The following SCN8A variants were observed in gnomAD, a reference collection of about 807,000 sequenced individuals.
SCN8A encodes the protein sodium channel protein type 8 subunit alpha.
In SCN8A, 30 loss-of-function variants were observed where a neutral mutation model predicts 184.1. That is an observed-to-expected ratio of 0.16 (90% CI 0.12 to 0.22). The LOEUF (loss-of-function observed/expected upper bound fraction) is 0.22, where lower values mean the gene tolerates loss of function less well. SCN8A is among the 10% of genes least tolerant of loss of function. SCN8A has a pLI of 1.00. For missense variants in SCN8A, 1,057 were observed against 2,498.9 expected (o/e 0.42, Z 12.30); for synonymous variants, 852 against 907.0 (o/e 0.94, Z 1.09).
At chr12:51,720,621 G>T (rs144335446) in intron 11 of SCN8A, among the ~76,000 whole-genome samples, 2 of 151,634 alleles carry the variant, frequency 1.3e-5, no homozygotes, top group Admixed American at 1.3e-4. Context: ...AAAAGAAAAG[G>T]AAAAGTAAAT....
intron 2 of SCN8A, among the ~76,000 whole-genome samples, chr12:51,663,524 G>GT (rs1940967031): frequency 6.6e-6 from 1 of 152,178 alleles, no homozygotes; most frequent in African/African-American, 2.4e-5. Context: ...AGCTCCCTTT[G>GT]TGACATTAGA....
At chr12:51,655,371 C>CT (rs35700645) in intron 1 of SCN8A, among the ~76,000 whole-genome samples, 43 of 142,168 alleles carry the variant, frequency 3.0e-4, no homozygotes, top group East Asian at 2.1e-3. Context: ...ATTTTAAGGT[C>CT]TTTTTTTTTT....
In SCN8A at chr12:51,786,730, A is replaced by G; in HGVS notation, c.4131A>G (p.Glu1377=). Residue 1377 remains glutamate, a synonymous_variant, in exon 22 of 27, where the codon GAA becomes GAG. Coordinates refer to ENST00000627620, the MANE Select transcript of SCN8A (RefSeq NM_001330260.2). ...ATGTCAACAATAAAACTGAATGTGAAAAGCTTATGGAGGGGAACAATACAG... is the reference window on the plus strand; with the variant it reads ...ATGTCAACAATAAAACTGAATGTGAGAAGCTTATGGAGGGGAACAATACAG... ...IEDVNNKTEC[E]KLMEGNNTEI... The G allele has an allele frequency of 1.2e-6, 2 of 1,614,008 alleles. No individual in the cohort carries two copies. Among genetic ancestry groups the G allele is most frequent in the Non-Finnish European group, 1.7e-6 (2 of 1,179,870 alleles).
intron 8 of SCN8A, among the ~76,000 whole-genome samples, chr12:51,702,105 C>G (rs1421393874): frequency 6.6e-6 from 1 of 151,854 alleles, no homozygotes; most frequent in Non-Finnish European, 1.5e-5. Flanking sequence ...AGGCAGATCC[C>G]GAGGTCAGGA....
intron 1 of SCN8A, among the ~76,000 whole-genome samples, chr12:51,598,556 T>A (rs1301315429): frequency 1.3e-5 from 2 of 152,212 alleles, no homozygotes; most frequent in African/African-American, 4.8e-5. Context: ...TGATTTTTAG[T>A]CATTTAATAC....
chr12:51,702,005 T>C (rs1303459215), intron 8 of SCN8A, among the ~76,000 whole-genome samples: 1 of 151,890 alleles, frequency 6.6e-6, no homozygotes, highest in Non-Finnish European at 1.5e-5. Context: ...GTTGTCACAG[T>C]GAGTGTAAAG....
intron 1 of SCN8A, among the ~76,000 whole-genome samples, chr12:51,626,699 A>G (rs1940086179): frequency 6.6e-6 from 1 of 152,054 alleles, no homozygotes; most frequent in South Asian, 2.1e-4. Flanking sequence ...TATTTAGGAC[A>G]AAAATACATT....
rs751275472 is a variant in SCN8A at position 51,721,807 on chromosome 12, C to G, written c.1897C>G (p.Leu633Val). ...GSRSSRIFPS[L>V]RRSVKRNSTV... is the part of the protein sequence containing the mutation. ...CCGCTCCTCGCGCATCTTCCCCAGC[C>G]TGCGGCGCAGCGTGAAGCGCAACAG... Residue 633 changes from leucine (L) to valine (V), a missense_variant, in exon 12 of 27, where the codon CTG (leucine) becomes GTG (valine). Leu to Val is a conservative substitution (Grantham distance 32, BLOSUM62 1). Transcript: ENST00000627620. The G allele has an allele frequency of 3.7e-6, 6 of 1,608,882 alleles. No individual in the cohort carries two copies. The East Asian group carries it at 1.3e-4, about 36-fold the overall frequency.
At chr12:51,592,955 CA>C (rs199726377) in intron 1 of SCN8A, among the ~76,000 whole-genome samples, 1 of 151,996 alleles carries the variant, frequency 6.6e-6, no homozygotes, top group Non-Finnish European at 1.5e-5. Flanking sequence ...ATTCTTTTCT[CA>C]AAAAAAATTT....
chr12:51,608,726 A>G (rs1230674967), intron 1 of SCN8A, among the ~76,000 whole-genome samples: 3 of 151,784 alleles, frequency 2.0e-5, no homozygotes, highest in Non-Finnish European at 4.4e-5. Flanking sequence ...TTTTGTTTCA[A>G]TTTCATTTAG....
intron 2 of SCN8A, among the ~76,000 whole-genome samples, chr12:51,680,151 A>G (rs1441822781): frequency 2.6e-5 from 4 of 152,182 alleles, no homozygotes; most frequent in African/African-American, 4.8e-5. Context: ...TCAGGAGTTT[A>G]GTGTGCTAGA....
In SCN8A at chr12:51,806,205, CA is replaced by C. The variant is rs2138942041; in HGVS notation, c.4796-75del. ...AAGCCCTTTGAACCTAAGGGTTCCA[CA>C]ATGCCAGGTAAAAAAAATAAAGAGA... On this transcript the variant is annotated intron_variant, in intron 26 of 26. Coordinates refer to ENST00000627620, the MANE Select transcript of SCN8A (RefSeq NM_001330260.2). This position sits in a 1 kb window ranked among gnomAD's most constrained non-coding sequence, Gnocchi z 8.7. 7.4e-7 allele frequency: 1 copy of C among 1,355,516 alleles called. No individual in the cohort carries two copies. The highest frequency in any genetic ancestry group is 1.0e-6 in the Non-Finnish European group (1 of 1,002,600). The allele number at this position is 1,355,516 out of a possible 1,614,324, so 84.0% of individuals were successfully genotyped here.
chr12:51,790,674 G>A (rs1938224229), intron 25 of SCN8A, among the ~76,000 whole-genome samples, 172 bp downstream of exon 25: 1 of 152,090 alleles, frequency 6.6e-6, no homozygotes, highest in African/African-American at 2.4e-5. Flanking sequence ...AGGGATTAAG[G>A]CATGGGGGCT....
intron 2 of SCN8A, among the ~76,000 whole-genome samples, chr12:51,670,765 A>G (rs998191633): frequency 2.6e-5 from 4 of 152,242 alleles, no homozygotes; most frequent in South Asian, 2.1e-4. Context: ...AGGGGATTGG[A>G]TGAATTCAAT....
In SCN8A at chr12:51,786,736, T is replaced by G; in HGVS notation, c.4137T>G (p.Leu1379=). The stretch of plus-strand genomic sequence containing the variant: ...ACAATAAAACTGAATGTGAAAAGCT[T>G]ATGGAGGGGAACAATACAGAGATCA... The part of the protein sequence containing the change: ...DVNNKTECEK[L]MEGNNTEIRW... Residue 1379 remains leucine, a synonymous_variant, in exon 22 of 27, where the codon CTT becomes CTG. Coordinates refer to ENST00000627620, the MANE Select transcript of SCN8A (RefSeq NM_001330260.2). 6.2e-7 allele frequency: 1 copy of G among 1,613,982 alleles called. No homozygotes were observed. The highest frequency in any genetic ancestry group is 1.1e-5 in the South Asian group (1 of 91,072).
At chr12:51,598,917 T>C (rs1361954745) in intron 1 of SCN8A, among the ~76,000 whole-genome samples, 1 of 152,218 alleles carries the variant, frequency 6.6e-6, no homozygotes, top group African/African-American at 2.4e-5. Flanking sequence ...AAGAAATACA[T>C]AATGCCTCTG....
chr12:51,738,991 T>G (rs971952907), intron 12 of SCN8A, among the ~76,000 whole-genome samples: 1 of 152,210 alleles, frequency 6.6e-6, no homozygotes, highest in African/African-American at 2.4e-5. Flanking sequence ...GACAGGCCCC[T>G]CATGGTGTTT....
chr12:51,807,465 A>T lies in SCN8A; in HGVS notation c.*36A>T, dbSNP rs776382787. ...AAATTCAGTATTATACAGATCTAAAACTCGCAAGTGAAAGATTGTTTACAA... is the reference window on the plus strand; with the variant it reads ...AAATTCAGTATTATACAGATCTAAATCTCGCAAGTGAAAGATTGTTTACAA... On this transcript the variant is annotated 3_prime_UTR_variant, in exon 27 of 27. Transcript: ENST00000627620. This position sits in a 1 kb window ranked among gnomAD's most constrained non-coding sequence, Gnocchi z 4.5. 1.2e-5 allele frequency: 18 copies of T among 1,563,936 alleles called. No homozygotes were observed. The highest frequency in any genetic ancestry group is 1.5e-5 in the Non-Finnish European group (17 of 1,150,546).
chr12:51,681,209 C>T (rs1941326131), intron 2 of SCN8A, among the ~76,000 whole-genome samples: 3 of 152,098 alleles, frequency 2.0e-5, no homozygotes, highest in Non-Finnish European at 2.9e-5. Context: ...TTGTCTCCCA[C>T]ACCAACTTCA....
Sources: allele counts gnomAD v4.1 joint callset (sites outside exome capture counted in the v4.1 genomes callset), GRCh38; gene constraint gnomAD v4.1.1; non-coding constraint Gnocchi (gnomAD v3.1); transcripts MANE v1.5; gene names NCBI Gene and HGNC (gene_info 2026-07-23, HGNC 2026-07-21).